DNAJC19: variants seen among roughly 807,000 people sequenced by gnomAD.
DNAJC19 encodes mitochondrial import inner membrane translocase subunit TIM14.
DNAJC19 carries 15 observed loss-of-function variants against 19.8 expected under a neutral mutation model. The observed-to-expected ratio is 0.76, with a 90% CI of 0.51 to 1.17. DNAJC19 has a LOEUF of 1.17. Among genes scored for constraint, DNAJC19 ranks in the 50% most tolerant of loss-of-function variants. The pLI is 0.00. For synonymous variants in DNAJC19, 38 were observed against 42.1 expected (o/e 0.90, Z 0.38); for missense variants, 105 against 140.9 (o/e 0.75, Z 1.29).
intron 5 of DNAJC19, among the ~76,000 whole-genome samples, chr3:180,985,072 T>C (rs1212318354): frequency 1.3e-5 from 2 of 152,158 alleles, no homozygotes; most frequent in Non-Finnish European, 2.9e-5. Flanking sequence ...ACATCAATTA[T>C]ACCATGTTAT....
intron 1 of DNAJC19, 82 bp from the exon 2 acceptor site, chr3:180,988,311 A>C: frequency 1.4e-6 from 2 of 1,462,068 alleles, no homozygotes; most frequent in Non-Finnish European, 1.9e-6. Context: ...TCCCCAACTC[A>C]TTACAAACTG....
At chr3:180,987,125 C>T (rs1420659778) in intron 3 of DNAJC19, 103 bp from the exon 4 acceptor site, 1 of 1,065,238 alleles carries the variant, frequency 9.4e-7, no homozygotes, top group East Asian at 2.4e-5. Flanking sequence ...TAAGACATTT[C>T]AGAGGACTTT....
chr3:180,989,086 C>T (rs1460438223), intron 1 of DNAJC19, among the ~76,000 whole-genome samples: 5 of 151,794 alleles, frequency 3.3e-5, no homozygotes, highest in African/African-American at 1.2e-4. Context: ...CTGTAAAATT[C>T]TAACAACGCA....
At chr3:180,987,200 A>G (rs1036320986) in intron 3 of DNAJC19, 178 bp from the exon 4 acceptor site, 30 of 635,200 alleles carry the variant, frequency 4.7e-5, no homozygotes, top group Non-Finnish European at 7.8e-5. Context: ...AGCAACAAGT[A>G]GTATTTTAAT....
At chr3:180,989,482 A>G in intron 1 of DNAJC19, 118 bp downstream of exon 1, 1 of 1,539,396 alleles carries the variant, frequency 6.5e-7, no homozygotes, top group Non-Finnish European at 8.8e-7. Flanking sequence ...CAATAACCGA[A>G]ACCTCCCGCC....
chr3:180,988,987 G>A (rs1715073890), intron 1 of DNAJC19, among the ~76,000 whole-genome samples: 1 of 146,656 alleles, frequency 6.8e-6, no homozygotes. Context: ...CAGCCTAGGC[G>A]ACCGAGCAAG....
intron 4 of DNAJC19, chr3:180,986,721 G>C: frequency 1.8e-6 from 1 of 541,536 alleles, no homozygotes; most frequent in Non-Finnish European, 3.3e-6. Flanking sequence ...AAAAGAAAAA[G>C]TGCTTAAGTG....
intron 1 of DNAJC19, 120 bp from the exon 2 acceptor site, chr3:180,988,349 T>C (rs1231453819): frequency 9.8e-6 from 11 of 1,121,174 alleles, no homozygotes; most frequent in African/African-American, 5.0e-5. Flanking sequence ...CAACTTTTTT[T>C]TTTCTTTTTT....
rs192629594 is a variant in DNAJC19, at chr3:180,988,017, T to C, written c.129+6A>G. 9 of 1,614,120 alleles carry C rather than the reference T, an allele frequency of 5.6e-6. No individual in the cohort carries two copies. In the Admixed American group the frequency reaches 8.3e-5, roughly 15 times the overall value. ...TAGAAGCAGCAAAGAATTAACAAAG[T>C]CTTACAGATTTTGGTAGGCTTTGAA... On this transcript the variant is annotated splice_donor_region_variant and intron_variant, in intron 3 of 5. Transcript: ENST00000382564.
intron 2 of DNAJC19, 38 bp from the exon 3 acceptor site, chr3:180,988,134 C>T (rs769449262): frequency 3.1e-6 from 5 of 1,614,142 alleles, no homozygotes; most frequent in South Asian, 2.2e-5. Context: ...AACTAAATCT[C>T]CAATCTCCCC....
rs1553783698 is a variant in DNAJC19, at chr3:180,989,315, C to T, written c.3+285G>A. ...AATACGTTTCCACTAATCTCCGAGT[C>T]CATGACAGCCTCTGACCTTACAGGA... is the stretch of plus-strand genomic sequence containing the variant. On this transcript the variant is annotated intron_variant, in intron 1 of 5. Coordinates refer to ENST00000382564, the MANE Select transcript of DNAJC19 (RefSeq NM_145261.4). The T allele has an allele frequency of 5.0e-6, 7 of 1,404,194 alleles. No homozygotes were observed. In the South Asian group the frequency reaches 7.9e-5, roughly 16 times the overall value. 87.0% of individuals were successfully genotyped at this position (1,404,194 alleles called of 1,614,324 possible).
chr3:180,985,623 C>T, intron 5 of DNAJC19: 2 of 325,010 alleles, frequency 6.2e-6, no homozygotes, highest in East Asian at 1.3e-4. Flanking sequence ...TTCAAGGTAT[C>T]TAAAATGGAT....
At position 180,983,933 on chromosome 3, in the gene DNAJC19, C is replaced by T. The variant is rs1288833812; in HGVS notation, c.*707G>A. 2.2e-6 allele frequency: 1 copy of T among 454,012 alleles called. No homozygotes were observed. The highest frequency in any genetic ancestry group is 4.4e-6 in the Non-Finnish European group (1 of 226,766). The allele number at this position is 454,012 out of a possible 1,614,324, so 28.1% of individuals were successfully genotyped here. A position where few individuals can be genotyped will look rare whatever the true frequency, so the allele number is the denominator to read the frequency against. On this transcript the variant is annotated 3_prime_UTR_variant, in exon 6 of 6. Coordinates refer to ENST00000382564, the MANE Select transcript of DNAJC19 (RefSeq NM_145261.4). ...GCTAGCTGAATACAATGTAAATACT[C>T]ATGCCTGTAATCCCAGTACTTTGGG...
chr3:180,989,720 G>A lies in DNAJC19; in HGVS notation c.-118C>T. 2 of 1,514,166 alleles carry A rather than the reference G, an allele frequency of 1.3e-6. No homozygotes were observed. The highest frequency in any genetic ancestry group is 1.4e-5 in the African/African-American group (1 of 72,596). 93.8% of individuals were successfully genotyped at this position (1,514,166 alleles called of 1,614,324 possible). On this transcript the variant is annotated 5_prime_UTR_variant, in exon 1 of 6. Transcript: ENST00000382564. The stretch of plus-strand genomic sequence containing the variant: ...GACGCAACCCCCAACCTCAAGCACA[G>A]GCGCCCTACGCAACACGGCAGGAGC...
intron 1 of DNAJC19, among the ~76,000 whole-genome samples, chr3:180,988,921 A>T (rs1715068975): frequency 6.6e-6 from 1 of 151,528 alleles, no homozygotes; most frequent in African/African-American, 2.4e-5. Context: ...GAGGCAGGAG[A>T]ATGGCGAACC....
Position 180,984,765 on chromosome 3 carries a change from G to C in DNAJC19, c.281-55C>G. ...CAATATGGATTCTCAATTTCTGCTT[G>C]GTAAAAAGCTACTCTTGTTTCAAGG... On this transcript the variant is annotated intron_variant, in intron 5 of 5. Transcript: ENST00000382564. 8 of 1,302,580 alleles carry C rather than the reference G, an allele frequency of 6.1e-6. 1 individual carries two copies. In the South Asian group the frequency reaches 1.0e-4, roughly 17 times the overall value. 80.7% of individuals were successfully genotyped at this position (1,302,580 alleles called of 1,614,324 possible).
In DNAJC19 at chr3:180,984,017, T is replaced by C. The variant is rs1714758282; in HGVS notation, c.*623A>G. On this transcript the variant is annotated 3_prime_UTR_variant, in exon 6 of 6. Transcript: ENST00000382564. ...GGTTGAGGCTGCAATGAACTGTGAT[T>C]GTACCAGACCTGTACTCTGAAATCT... 1 of 453,886 alleles carries C rather than the reference T, an allele frequency of 2.2e-6. No homozygotes were observed. Among genetic ancestry groups the C allele is most frequent in the Non-Finnish European group, 4.4e-6 (1 of 226,746 alleles). The allele number at this position is 453,886 out of a possible 1,614,324, so 28.1% of individuals were successfully genotyped here. A position where few individuals can be genotyped will look rare whatever the true frequency, so the allele number is the denominator to read the frequency against.
Position 180,984,104 on chromosome 3 carries a change from C to T in DNAJC19, c.*536G>A. 1 of 454,096 alleles carries T rather than the reference C, an allele frequency of 2.2e-6. No homozygotes were observed. The highest frequency in any genetic ancestry group is 1.6e-5 in the South Asian group (1 of 64,478). 28.1% of individuals were successfully genotyped at this position (454,096 alleles called of 1,614,324 possible). A position where few individuals can be genotyped will look rare whatever the true frequency, so the allele number is the denominator to read the frequency against. Reference sequence around the variant, plus strand: ...TTTATATGTACATAGAATACACACACACACACACCCCTAGGTCAATTTCTT... The same window carrying T: ...TTTATATGTACATAGAATACACACATACACACACCCCTAGGTCAATTTCTT... On this transcript the variant is annotated 3_prime_UTR_variant, in exon 6 of 6. Coordinates refer to ENST00000382564, the MANE Select transcript of DNAJC19 (RefSeq NM_145261.4).
At position 180,983,812 on chromosome 3, in the gene DNAJC19, G is replaced by A. The variant is rs1414347276; in HGVS notation, c.*828C>T. On this transcript the variant is annotated 3_prime_UTR_variant, in exon 6 of 6. Transcript: ENST00000382564. The stretch of plus-strand genomic sequence containing the variant: ...ATTTCAGTTTTCAGTTTTGCTAACA[G>A]GGTTTAAGCTTAATCATAACAATTG... 1 of 453,948 alleles carries A rather than the reference G, an allele frequency of 2.2e-6. No individual in the cohort carries two copies. 28.1% of individuals were successfully genotyped at this position (453,948 alleles called of 1,614,324 possible).
Sources: gnomAD v4.1 joint callset for allele counts (sites outside exome capture counted in the v4.1 genomes callset) on GRCh38, gnomAD v4.1.1 for gene constraint, MANE v1.5 for transcripts, NCBI Gene and HGNC (gene_info 2026-07-23, HGNC 2026-07-21) for gene names.